Variants in ARHGAP26 observed in about 807,000 individuals in gnomAD.
The protein encoded by ARHGAP26 is rho GTPase-activating protein 26.
Under a neutral mutation model 104.8 loss-of-function variants are expected in ARHGAP26, and 38 were observed. That is an observed-to-expected ratio of 0.36 (90% CI 0.28 to 0.48). The LOEUF (loss-of-function observed/expected upper bound fraction) is 0.48. ARHGAP26 is among the 20% of genes least tolerant of loss of function. The pLI is 0.99. For synonymous variants in ARHGAP26, 341 were observed against 340.0 expected, an observed-to-expected ratio of 1.00 and a Z score of -0.03; for missense variants, 704 against 947.9, an observed-to-expected ratio of 0.74 and a Z score of 3.38.
At chr5:142,783,473 T>G in intron 1 of ARHGAP26, among the ~76,000 whole-genome samples, 1 of 152,214 alleles carries the variant, frequency 6.6e-6, no homozygotes, top group East Asian at 1.9e-4. Flanking sequence ...GTAATTATGT[T>G]TCACATTTTT....
At chr5:143,085,064 A>G (rs940097892) in intron 17 of ARHGAP26, among the ~76,000 whole-genome samples, 6 of 151,518 alleles carry the variant, frequency 4.0e-5, no homozygotes, top group South Asian at 2.1e-4. Context: ...AAAAAAAAAA[A>G]AAAGAAACGC....
chr5:142,928,651 T>C (rs906212737), intron 10 of ARHGAP26, among the ~76,000 whole-genome samples: 26 of 152,192 alleles, frequency 1.7e-4, no homozygotes, highest in Admixed American at 3.9e-4. Flanking sequence ...TCTGTGATTG[T>C]GGACAAGATA....
At chr5:142,773,366 A>G (rs1280717695) in intron 1 of ARHGAP26, among the ~76,000 whole-genome samples, 1 of 152,142 alleles carries the variant, frequency 6.6e-6, no homozygotes, top group East Asian at 1.9e-4. Context: ...TTTTACAGTT[A>G]TTTTATAACT....
intron 10 of ARHGAP26, chr5:142,919,486 G>T: frequency 2.5e-6 from 1 of 398,074 alleles, no homozygotes; most frequent in South Asian, 1.4e-4. Context: ...CCCAGGAAAT[G>T]AACGCAGTTT....
rs1265754081 is a variant in ARHGAP26 at position 143,216,069 on chromosome 5, T to C, written c.2191+1981T>C. Reference sequence around the variant, plus strand: ...AGTTGCACCATTTTACCATTTTATGTTCCTACCTTCTTTCATTTTTAAGTC... The same window carrying C: ...AGTTGCACCATTTTACCATTTTATGCTCCTACCTTCTTTCATTTTTAAGTC... On this transcript the variant is annotated intron_variant, in intron 22 of 22. Transcript: ENST00000645722. 7.2e-6 allele frequency: 3 copies of C among 418,232 alleles called. No individual in the cohort carries two copies. The East Asian group carries it at 2.2e-4, about 30-fold the overall frequency. 25.9% of individuals were successfully genotyped at this position (418,232 alleles called of 1,614,324 possible). A position where few individuals can be genotyped will look rare whatever the true frequency, so the allele number is the denominator to read the frequency against.
chr5:143,086,031 T>A (rs1187962100), intron 17 of ARHGAP26, among the ~76,000 whole-genome samples: 1 of 152,190 alleles, frequency 6.6e-6, no homozygotes, highest in Non-Finnish European at 1.5e-5. Flanking sequence ...TTTATCCTAG[T>A]CTTTGACTGT....
intron 1 of ARHGAP26, among the ~76,000 whole-genome samples, chr5:142,839,301 T>C (rs1260982617): frequency 6.6e-6 from 1 of 151,246 alleles, no homozygotes; most frequent in Non-Finnish European, 1.5e-5. Flanking sequence ...GCCTGGCACA[T>C]AGCAAGCACT....
chr5:142,911,598 A>G (rs1296588054), intron 9 of ARHGAP26, among the ~76,000 whole-genome samples: 3 of 152,244 alleles, frequency 2.0e-5, no homozygotes, highest in Admixed American at 6.5e-5. Context: ...ATAGTTGAAC[A>G]GACCATCTTT....
At chr5:142,811,265 C>G (rs768468503) in intron 1 of ARHGAP26, among the ~76,000 whole-genome samples, 6 of 152,156 alleles carry the variant, frequency 3.9e-5, no homozygotes, top group Non-Finnish European at 7.4e-5. Context: ...AATAACTTCA[C>G]TCTGTATGCT....
At chr5:142,954,613 C>T (rs746524841) in intron 11 of ARHGAP26, among the ~76,000 whole-genome samples, 34 of 152,172 alleles carry the variant, frequency 2.2e-4, no homozygotes, top group Non-Finnish European at 3.5e-4. Context: ...CTTGCCAGTT[C>T]CCTCACCCAG....
At chr5:142,774,999 C>T (rs1465290641) in intron 1 of ARHGAP26, among the ~76,000 whole-genome samples, 1 of 151,904 alleles carries the variant, frequency 6.6e-6, no homozygotes, top group Non-Finnish European at 1.5e-5. Flanking sequence ...ACATTTTGGT[C>T]GTTTCCAAGT....
At chr5:143,206,475 A>G (rs1323678557) in intron 20 of ARHGAP26, among the ~76,000 whole-genome samples, 1 of 152,236 alleles carries the variant, frequency 6.6e-6, no homozygotes, top group Admixed American at 6.5e-5. Flanking sequence ...AACAAATTGA[A>G]GGTTTCAGTT....
At chr5:143,122,970 T>C (rs1472416442) in intron 18 of ARHGAP26, among the ~76,000 whole-genome samples, 1 of 152,244 alleles carries the variant, frequency 6.6e-6, no homozygotes, top group Admixed American at 6.5e-5. Flanking sequence ...ATTTACTTAC[T>C]GATTAGATCC....
chr5:143,053,620 TAAA>T (rs1234339181), intron 14 of ARHGAP26, among the ~76,000 whole-genome samples: 1 of 152,244 alleles, frequency 6.6e-6, no homozygotes, highest in Non-Finnish European at 1.5e-5. Context: ...CATGCTTGTT[TAAA>T]ATATACTGAT....
chr5:142,976,609 T>C (rs1562190501), intron 11 of ARHGAP26, among the ~76,000 whole-genome samples: 1 of 152,208 alleles, frequency 6.6e-6, no homozygotes, highest in Admixed American at 6.5e-5. Flanking sequence ...AGACTGTGTA[T>C]TGAAAAATGC....
chr5:143,014,330 A>T (rs895468042), intron 12 of ARHGAP26: 1 of 600,234 alleles, frequency 1.7e-6, no homozygotes, highest in Non-Finnish European at 3.0e-6. Flanking sequence ...TAGTGTAGTG[A>T]CACCTTGCAT....
intron 20 of ARHGAP26, among the ~76,000 whole-genome samples, chr5:143,177,620 A>G (rs1803673542): frequency 6.6e-6 from 1 of 152,232 alleles, no homozygotes; most frequent in Admixed American, 6.5e-5. Flanking sequence ...CACTGCTGTC[A>G]GGAATAACAA....
intron 18 of ARHGAP26, among the ~76,000 whole-genome samples, chr5:143,124,322 C>T (rs998721717): frequency 3.3e-5 from 5 of 152,202 alleles, no homozygotes; most frequent in East Asian, 1.9e-4. Context: ...GACGGAGAGA[C>T]GAAGAGAGCC....
chr5:143,017,891 A>T lies in ARHGAP26; in HGVS notation c.1144+3775A>T, dbSNP rs245814. On this transcript the variant is annotated intron_variant, in intron 12 of 22. Transcript: ENST00000645722. ...ATACACCCACCCAAAGCATTGCTGG[A>T]CAAAGGCTATGCATATACTTAGTTT... Among the ~76,000 whole-genome samples the T allele has an allele frequency of 5.5e-4, 83 of 152,240 alleles. 2 individuals carry two copies. Among genetic ancestry groups the T allele is most frequent in the Admixed American group, 2.6e-3 (40 of 15,298 alleles).
Sources: allele counts gnomAD v4.1 joint callset (sites outside exome capture counted in the v4.1 genomes callset), GRCh38; gene constraint gnomAD v4.1.1; transcripts MANE v1.5; gene names NCBI Gene and HGNC (gene_info 2026-07-23, HGNC 2026-07-21).